The following ENOX1 variants were observed in gnomAD, a reference collection of about 807,000 sequenced individuals.
ENOX1 encodes ecto-NOX disulfide-thiol exchanger 1.
In ENOX1, 42 loss-of-function variants were observed where a neutral mutation model predicts 82.5. The ratio of observed to expected loss-of-function variants is 0.51; its 90% CI spans 0.40 to 0.66. ENOX1 has a LOEUF of 0.66. ENOX1 is among the 30% of genes least tolerant of loss of function. The pLI, the probability that ENOX1 is intolerant of heterozygous loss-of-function variation, is 0.00. For missense variants in ENOX1, 608 were observed against 811.6 expected (o/e 0.75, Z 3.05); for synonymous variants, 271 against 282.2 (o/e 0.96, Z 0.40).
intron 2 of ENOX1, among the ~76,000 whole-genome samples, chr13:43,551,331 C>T (rs1447979501): frequency 6.6e-6 from 1 of 151,876 alleles, no homozygotes; most frequent in African/African-American, 2.4e-5. Flanking sequence ...CATCTATTGA[C>T]TTGTATATGT....
At chr13:43,389,910 C>T (rs1011523936) in intron 5 of ENOX1, among the ~76,000 whole-genome samples, 2 of 152,162 alleles carry the variant, frequency 1.3e-5, no homozygotes, top group African/African-American at 2.4e-5. Flanking sequence ...ACTGCTTCTA[C>T]TACACTTGAC....
At chr13:43,481,404 C>T (rs2058503597) in intron 3 of ENOX1, among the ~76,000 whole-genome samples, 1 of 152,034 alleles carries the variant, frequency 6.6e-6, no homozygotes, top group Non-Finnish European at 1.5e-5. Context: ...CAAGACTCCA[C>T]AAAAGTGTAA....
chr13:43,763,887 A>G lies in ENOX1; in HGVS notation c.-285+22765T>C, dbSNP rs9590785. On this transcript the variant is annotated intron_variant, in intron 1 of 16. Transcript: ENST00000690772. ...TGGAACAACATAAAATGTGAACACT[A>G]TCTAGAAAAAGAGTTACATGTATTA... 4.5e-3 allele frequency among the ~76,000 whole-genome samples: 678 copies of G among 152,326 alleles called. 8 individuals are homozygous for G. Among genetic ancestry groups the G allele is most frequent in the African/African-American group, 0.015 (621 of 41,570 alleles).
chr13:43,339,990 A>G (rs934788957), intron 9 of ENOX1, among the ~76,000 whole-genome samples: 2 of 152,338 alleles, frequency 1.3e-5, no homozygotes, highest in East Asian at 3.9e-4. Context: ...AAGTCCTGAC[A>G]TCAAACACAT....
At chr13:43,756,371 C>T (rs376272449) in intron 1 of ENOX1, among the ~76,000 whole-genome samples, 39 of 150,920 alleles carry the variant, frequency 2.6e-4, no homozygotes, top group African/African-American at 8.8e-4. Context: ...GGGTCAAGGC[C>T]GCAGTGAACC....
chr13:43,374,129 C>T (rs984016377), intron 5 of ENOX1, among the ~76,000 whole-genome samples: 1 of 149,770 alleles, frequency 6.7e-6, no homozygotes, highest in Non-Finnish European at 1.5e-5. Context: ...CCCTCCTTTC[C>T]TTTCCTTTCT....
chr13:43,300,818 C>A (rs759138358), intron 11 of ENOX1, among the ~76,000 whole-genome samples: 1 of 152,134 alleles, frequency 6.6e-6, no homozygotes, highest in South Asian at 2.1e-4. Context: ...AAGGAGATTT[C>A]ATTTGGTGTA....
Position 43,571,416 on chromosome 13 carries a change from C to T in ENOX1, c.-218-87264G>A, listed in dbSNP as rs187536232. ...AAAGTAGGCCGGGCGCGGTGGCTTACGCCTGTAATCCCAGCACTTTGGGAG... is the reference window on the plus strand; with the variant it reads ...AAAGTAGGCCGGGCGCGGTGGCTTATGCCTGTAATCCCAGCACTTTGGGAG... On this transcript the variant is annotated intron_variant, in intron 2 of 16. Coordinates refer to ENST00000690772, the MANE Select transcript of ENOX1 (RefSeq NM_001347969.2). Among the ~76,000 whole-genome samples, 29 of 152,106 alleles carry T rather than the reference C, an allele frequency of 1.9e-4. No homozygotes were observed. In the East Asian group the frequency reaches 5.2e-3, roughly 27 times the overall value.
intron 3 of ENOX1, among the ~76,000 whole-genome samples, chr13:43,444,789 CAGG>C (rs2056536267): frequency 3.9e-5 from 6 of 152,146 alleles, no homozygotes. Flanking sequence ...GGGATGTATT[CAGG>C]AGGACAAGCC....
chr13:43,413,991 A>C (rs2054296919), intron 3 of ENOX1, among the ~76,000 whole-genome samples: 1 of 152,082 alleles, frequency 6.6e-6, no homozygotes, highest in Non-Finnish European at 1.5e-5. Context: ...TTTTAGTATA[A>C]ATTTAGAAGT....
At chr13:43,410,894 G>C (rs1423010613) in intron 5 of ENOX1, among the ~76,000 whole-genome samples, 1 of 152,110 alleles carries the variant, frequency 6.6e-6, no homozygotes, top group African/African-American at 2.4e-5. Flanking sequence ...CATAATACCT[G>C]GTTGTCACCT....
intron 2 of ENOX1, among the ~76,000 whole-genome samples, chr13:43,505,283 G>A (rs2077114273): frequency 6.6e-6 from 1 of 151,840 alleles, no homozygotes; most frequent in African/African-American, 2.4e-5. Flanking sequence ...AATTCTAGAT[G>A]ATAGAATTGA....
chr13:43,455,044 C>T (rs1426845083), intron 3 of ENOX1, among the ~76,000 whole-genome samples: 1 of 151,952 alleles, frequency 6.6e-6, no homozygotes, highest in Non-Finnish European at 1.5e-5. Context: ...TTCCTGGATC[C>T]CATGATTTCC....
At chr13:43,663,455 T>A (rs2084828833) in intron 2 of ENOX1, among the ~76,000 whole-genome samples, 1 of 152,166 alleles carries the variant, frequency 6.6e-6, no homozygotes, top group African/African-American at 2.4e-5. Flanking sequence ...CTACCACTCA[T>A]CTCCTACCAA....
chr13:43,387,504 T>C (rs1426106963), intron 5 of ENOX1, among the ~76,000 whole-genome samples: 2 of 152,032 alleles, frequency 1.3e-5, no homozygotes, highest in Non-Finnish European at 2.9e-5. Flanking sequence ...GATATGAGAT[T>C]CAACAGGGGA....
At chr13:43,540,377 T>C (rs959129517) in intron 2 of ENOX1, among the ~76,000 whole-genome samples, 1 of 152,166 alleles carries the variant, frequency 6.6e-6, no homozygotes, top group Non-Finnish European at 1.5e-5. Context: ...TAAATATGCT[T>C]CTATTAAAGA....
chr13:43,238,722 G>A (rs2042670568), intron 14 of ENOX1, among the ~76,000 whole-genome samples: 1 of 152,142 alleles, frequency 6.6e-6, no homozygotes, highest in South Asian at 2.1e-4. Flanking sequence ...GGAGCTGAGT[G>A]GAAATAATAT....
At chr13:43,629,186 C>T (rs1055218095) in intron 2 of ENOX1, among the ~76,000 whole-genome samples, 2 of 152,206 alleles carry the variant, frequency 1.3e-5, no homozygotes, top group Non-Finnish European at 2.9e-5. Flanking sequence ...GAAAGTCTAG[C>T]TTCTGCACTC....
At chr13:43,476,323 AAAC>A (rs1449036258) in intron 3 of ENOX1, among the ~76,000 whole-genome samples, 2 of 152,154 alleles carry the variant, frequency 1.3e-5, no homozygotes, top group Non-Finnish European at 2.9e-5. Context: ...ACCAGACACT[AAAC>A]AACATTTAAC....
Sources: allele counts gnomAD v4.1 joint callset (sites outside exome capture counted in the v4.1 genomes callset), GRCh38; gene constraint gnomAD v4.1.1; transcripts MANE v1.5; gene names NCBI Gene and HGNC (gene_info 2026-07-23, HGNC 2026-07-21).